CTC1: variants seen among roughly 807,000 people sequenced by gnomAD.
CTC1 encodes the protein CST telomere replication complex component 1.
In CTC1, 91 loss-of-function variants were observed where a neutral mutation model predicts 136.3. The ratio of observed to expected loss-of-function variants is 0.67; its 90% CI spans 0.56 to 0.79. The LOEUF (loss-of-function observed/expected upper bound fraction) is 0.79. Ranked by LOEUF, CTC1 falls within the 30% of genes least tolerant of loss-of-function variation. The pLI, the probability that CTC1 is intolerant of heterozygous loss-of-function variation, is 0.00. For synonymous variants in CTC1, 606 were observed against 613.8 expected (o/e 0.99, Z 0.19); for missense variants, 1,432 against 1,498.1 (o/e 0.96, Z 0.73).
chr17:8,238,865 T>A (rs1221474333), intron 2 of CTC1, among the ~76,000 whole-genome samples: 1 of 151,050 alleles, frequency 6.6e-6, no homozygotes, highest in Non-Finnish European at 1.5e-5. Flanking sequence ...CCAAGGCGGG[T>A]GGATCACCTG....
chr17:8,238,551 G>T lies in CTC1; in HGVS notation c.276C>A (p.Tyr92Ter). The T allele has an allele frequency of 6.2e-7, 1 of 1,614,194 alleles. No individual in the cohort carries two copies. The highest frequency in any genetic ancestry group is 8.5e-7 in the Non-Finnish European group (1 of 1,180,020). Residue 92 changes from tyrosine (Y) to a stop codon, truncating the protein, a stop_gained, in exon 3 of 23, where the codon TAC becomes TAA. Transcript: ENST00000651323. LOFTEE classifies it high-confidence loss of function. Reference sequence around the variant, plus strand: ...GTCCAGCCTCTTGGGCCCAGGCCTGGTATGCACTACTGCTCCACGACAGGT... The same window carrying T: ...GTCCAGCCTCTTGGGCCCAGGCCTGTTATGCACTACTGCTCCACGACAGGT... ...CSHLSWSSSA[Y>*]QAWAQEAGPN...
intron 2 of CTC1, among the ~76,000 whole-genome samples, chr17:8,242,545 AAAAAAAAAATATATATAT>A (rs1567620118): frequency 1.7e-4 from 16 of 94,988 alleles, no homozygotes; most frequent in African/African-American, 5.1e-4. Context: ...AAAAAAAAAA[AAAAAAAAAATATATATAT>A]ATATATATAT....
Position 8,230,419 on chromosome 17 carries a change from C to T in CTC1, c.2808G>A (p.Glu936=). Residue 936 remains glutamate, a synonymous_variant, in exon 17 of 23, where the codon GAG becomes GAA. Coordinates refer to ENST00000651323, the MANE Select transcript of CTC1 (RefSeq NM_025099.6). ...GAGGGGGGAATTCACATTCAGCAGTCTCAAGAGCGACTGTTAGCTTCACAC... is the reference window on the plus strand; with the variant it reads ...GAGGGGGGAATTCACATTCAGCAGTTTCAAGAGCGACTGTTAGCTTCACAC... ...RRCVKLTVAL[E]TAECEFPPHL... 1 of 1,614,118 alleles carries T rather than the reference C, an allele frequency of 6.2e-7. No individual in the cohort carries two copies. Among genetic ancestry groups the T allele is most frequent in the South Asian group, 1.1e-5 (1 of 91,068 alleles).
chr17:8,226,766 C>T lies in CTC1; in HGVS notation c.*1414G>A, dbSNP rs1197929192. ...TGACAAACATCTGCCTCCATGAAAG[C>T]GCTTCAGGGAAAAAAAGACGCGGCG... On this transcript the variant is annotated 3_prime_UTR_variant, in exon 23 of 23. Transcript: ENST00000651323. The T allele has an allele frequency of 1.3e-5, 2 of 152,118 alleles. No homozygotes were observed. The highest frequency in any genetic ancestry group is 2.9e-5 in the Non-Finnish European group (2 of 68,046). The allele number at this position is 152,118 out of a possible 1,614,324, so 9.4% of individuals were successfully genotyped here.
In CTC1 at chr17:8,227,610, T is replaced by C. The variant is rs1450826471; in HGVS notation, c.*570A>G. 1 of 154,046 alleles carries C rather than the reference T, an allele frequency of 6.5e-6. No individual in the cohort carries two copies. Among genetic ancestry groups the C allele is most frequent in the Admixed American group, 6.4e-5 (1 of 15,630 alleles). The allele number at this position is 154,046 out of a possible 1,614,324, so 9.5% of individuals were successfully genotyped here. ...GACCATCATAGCTATGCTCTCTGCC[T>C]TGCCGCCAACTCCCCAATTTACTTC... On this transcript the variant is annotated 3_prime_UTR_variant, in exon 23 of 23. Coordinates refer to ENST00000651323, the MANE Select transcript of CTC1 (RefSeq NM_025099.6).
At chr17:8,238,344 A>T in intron 3 of CTC1, 48 bp downstream of exon 3, 4 of 1,580,300 alleles carry the variant, frequency 2.5e-6, no homozygotes, top group Non-Finnish European at 3.5e-6. Context: ...ATCCTTGGAC[A>T]CCATTCTTGT....
rs3027245 is a variant in CTC1 at position 8,228,137 on chromosome 17, G to A, written c.*43C>T. ...GAGGAGCCAGGACCTAGGCCTTCAG[G>A]TTTTCAGCAAGGAAGGACTCTCAGG... On this transcript the variant is annotated 3_prime_UTR_variant, in exon 23 of 23. Transcript: ENST00000651323. 0.018 allele frequency: 28,813 copies of A among 1,598,724 alleles called. 344 individuals carry two copies. Among genetic ancestry groups the A allele is most frequent in the Non-Finnish European group, 0.02 (23,214 of 1,167,344 alleles).
rs932619732 is a variant in CTC1, at chr17:8,229,062, T to C, written c.3221+80A>G. ...TAAGCAATTCTCATGAGCCAGGAAT[T>C]ATGCTAATGTAGAAACTGCAGATAG... On this transcript the variant is annotated intron_variant, in intron 20 of 22. Coordinates refer to ENST00000651323, the MANE Select transcript of CTC1 (RefSeq NM_025099.6). The C allele has an allele frequency of 2.7e-6, 4 of 1,507,050 alleles. No homozygotes were observed. In the African/African-American group the frequency reaches 4.2e-5, roughly 16 times the overall value. The allele number at this position is 1,507,050 out of a possible 1,614,324, so 93.4% of individuals were successfully genotyped here. A position where few individuals can be genotyped will look rare whatever the true frequency, so the allele number is the denominator to read the frequency against.
At position 8,237,439 on chromosome 17, in the gene CTC1, G is replaced by A. The variant is rs1567612620; in HGVS notation, c.728C>T (p.Ala243Val). The A allele has an allele frequency of 6.2e-7, 1 of 1,613,578 alleles. No individual in the cohort carries two copies. Among genetic ancestry groups the A allele is most frequent in the South Asian group, 1.1e-5 (1 of 91,066 alleles). The change falls in exon 5 of 23, where the codon GCT becomes GTT. Residue 243 changes from alanine to valine, a missense_variant. By Grantham distance (64) the Ala-to-Val change is moderately conservative (BLOSUM62 0). Transcript: ENST00000651323. ...TCTACCAAGAGACAGGATGAAGTAA[G>A]CTTTCTGTTTACTTTTCACCAGAGC... ...LSALVKSKQK[A>V]YFILSLGRSH...
At position 8,229,969 on chromosome 17, in the gene CTC1, C is replaced by T; in HGVS notation, c.2934-1G>A. On this transcript the variant is annotated splice_acceptor_variant, in intron 17 of 22. Coordinates refer to ENST00000651323, the MANE Select transcript of CTC1 (RefSeq NM_025099.6). LOFTEE classifies it high-confidence loss of function. The stretch of plus-strand genomic sequence containing the variant: ...GAAACAACAATAAACATTGTGAGAT[C>T]TGCAAGTGGAAGAGGAATAGTGAGT... 6.2e-7 allele frequency: 1 copy of T among 1,614,000 alleles called. No individual in the cohort carries two copies. The highest frequency in any genetic ancestry group is 8.5e-7 in the Non-Finnish European group (1 of 1,179,966).
In CTC1 at chr17:8,229,969, C is replaced by G; in HGVS notation, c.2934-1G>C. 3 of 1,614,000 alleles carry G rather than the reference C, an allele frequency of 1.9e-6. No individual in the cohort carries two copies. The highest frequency in any genetic ancestry group is 2.5e-6 in the Non-Finnish European group (3 of 1,179,966). On this transcript the variant is annotated splice_acceptor_variant, in intron 17 of 22. Coordinates refer to ENST00000651323, the MANE Select transcript of CTC1 (RefSeq NM_025099.6). LOFTEE classifies it high-confidence loss of function. ...GAAACAACAATAAACATTGTGAGATCTGCAAGTGGAAGAGGAATAGTGAGT... is the reference window on the plus strand; with the variant it reads ...GAAACAACAATAAACATTGTGAGATGTGCAAGTGGAAGAGGAATAGTGAGT...
In CTC1 at chr17:8,228,807, C is replaced by T; in HGVS notation, c.3307G>A (p.Glu1103Lys). 2 of 1,614,154 alleles carry T rather than the reference C, an allele frequency of 1.2e-6. No individual in the cohort carries two copies. The highest frequency in any genetic ancestry group is 1.7e-6 in the Non-Finnish European group (2 of 1,180,012). ...ACGAAATCTAGGAGGGAGGCCCACT[C>T]TCTAGGACACAGCCCTAGTGCTGCT... ...VAAALGLCPR[E>K]WASLLDFVQV... The change falls in exon 21 of 23, where the codon GAG (glutamate) becomes AAG (lysine). Residue 1103 changes from glutamate (E) to lysine (K), a missense_variant. Glu to Lys is a moderately conservative substitution (Grantham distance 56). Coordinates refer to ENST00000651323, the MANE Select transcript of CTC1 (RefSeq NM_025099.6).
Position 8,234,612 on chromosome 17 carries a change from G to A in CTC1, c.1661C>T (p.Thr554Ile). ...CTTACGCTGTCCTTCTTCTTTCAGG[G>A]TGGCCAGAGTGGGGAAGGAGGAGGG... is the stretch of plus-strand genomic sequence containing the variant. Reference protein sequence around the residue: ...QTPSSFPTLATLKEEGQRKAW... With the variant: ...QTPSSFPTLAILKEEGQRKAW... Residue 554 changes from threonine to isoleucine, a missense_variant, in exon 10 of 23, where the codon ACC becomes ATC. Thr to Ile is a moderately conservative substitution (Grantham distance 89). Transcript: ENST00000651323. 1 of 1,612,940 alleles carries A rather than the reference G, an allele frequency of 6.2e-7. No homozygotes were observed. The highest frequency in any genetic ancestry group is 8.5e-7 in the Non-Finnish European group (1 of 1,179,422).
chr17:8,226,972 A>C lies in CTC1; in HGVS notation c.*1208T>G, dbSNP rs1231825209. 6.6e-6 allele frequency: 1 copy of C among 152,230 alleles called. No homozygotes were observed. The highest frequency in any genetic ancestry group is 1.5e-5 in the Non-Finnish European group (1 of 67,992). The allele number at this position is 152,230 out of a possible 1,614,324, so 9.4% of individuals were successfully genotyped here. A position where few individuals can be genotyped will look rare whatever the true frequency, so the allele number is the denominator to read the frequency against. ...CAGAGGGTCAGAAAACAAAACACAC[A>C]CAAAAAAAAGCCACCCACTGGCCCG... On this transcript the variant is annotated 3_prime_UTR_variant, in exon 23 of 23. Transcript: ENST00000651323.
At chr17:8,229,580 G>C in intron 18 of CTC1, 134 bp from the exon 19 acceptor site, 1 of 737,550 alleles carries the variant, frequency 1.4e-6, no homozygotes, top group Non-Finnish European at 2.3e-6. Context: ...TGCGCTCCTA[G>C]AAGCCCCATT....
chr17:8,231,765 G>T lies in CTC1; in HGVS notation c.2436C>A (p.His812Gln), dbSNP rs1379714129. 1 of 1,614,182 alleles carries T rather than the reference G, an allele frequency of 6.2e-7. No homozygotes were observed. Among genetic ancestry groups the T allele is most frequent in the South Asian group, 1.1e-5 (1 of 91,084 alleles). The change falls in exon 14 of 23, where the codon CAC becomes CAA. Residue 812 changes from histidine to glutamine, a missense_variant. By Grantham distance (24) the His-to-Gln change is conservative. Coordinates refer to ENST00000651323, the MANE Select transcript of CTC1 (RefSeq NM_025099.6). ...GSSVRWFEFL[H>Q]PGQVYRLIAP... The stretch of plus-strand genomic sequence containing the variant: ...CTATGAGTCGGTACACCTGTCCCGG[G>T]TGCAAGAACTCAAACCAGCGGACTG...
intron 15 of CTC1, 126 bp downstream of exon 15, chr17:8,231,149 AC>A: frequency 1.2e-6 from 1 of 820,834 alleles, no homozygotes; most frequent in Non-Finnish European, 1.9e-6. Context: ...TCAAAAAAAA[AC>A]AAACAAAAAC....
At chr17:8,230,825 A>G in intron 15 of CTC1, 174 bp from the exon 16 acceptor site, 1 of 613,348 alleles carries the variant, frequency 1.6e-6, no homozygotes, top group South Asian at 2.0e-5. Flanking sequence ...GGCCTATGGG[A>G]AAAAGAGGGT....
Position 8,229,911 on chromosome 17 carries a change from A to G in CTC1, c.2991T>C (p.Phe997=). 1 of 1,614,060 alleles carries G rather than the reference A, an allele frequency of 6.2e-7. No homozygotes were observed. Among genetic ancestry groups the G allele is most frequent in the Non-Finnish European group, 8.5e-7 (1 of 1,179,994 alleles). ...CTGACCTGATGGTGGTCTCAGGGGG[A>G]AAACTCAGGACCTGCACATAAGTGG... The part of the protein sequence containing the change: ...RSSTYVQVLS[F]PPETTISIPL... The change falls in exon 18 of 23, where the codon TTT becomes TTC. Residue 997 remains phenylalanine, a synonymous_variant. Coordinates refer to ENST00000651323, the MANE Select transcript of CTC1 (RefSeq NM_025099.6).
Sources: gnomAD v4.1 joint callset for allele counts (sites outside exome capture counted in the v4.1 genomes callset) on GRCh38, gnomAD v4.1.1 for gene constraint, MANE v1.5 for transcripts, NCBI Gene and HGNC (gene_info 2026-07-23, HGNC 2026-07-21) for gene names.